CLCN1: variants seen among roughly 807,000 people sequenced by gnomAD.
CLCN1 encodes the protein chloride channel protein 1.
CLCN1 carries 100 observed loss-of-function variants against 114.5 expected under a neutral mutation model. The ratio of observed to expected loss-of-function variants is 0.87; its 90% CI spans 0.74 to 1.03. The LOEUF (loss-of-function observed/expected upper bound fraction) is 1.03, where lower values mean the gene tolerates loss of function less well. Among genes scored for constraint, CLCN1 ranks in the 50% least tolerant of loss-of-function variants. The pLI, the probability that CLCN1 is intolerant of heterozygous loss-of-function variation, is 0.00. For synonymous variants in CLCN1, 485 were observed against 487.1 expected, an observed-to-expected ratio of 1.00 and a Z score of 0.06; for missense variants, 1,188 against 1,250.0, an observed-to-expected ratio of 0.95 and a Z score of 0.75.
Position 143,350,248 on chromosome 7 carries a change from G to T in CLCN1, c.2404-124G>T. 1 of 745,508 alleles carries T rather than the reference G, an allele frequency of 1.3e-6. No homozygotes were observed. The highest frequency in any genetic ancestry group is 1.5e-5 in the South Asian group (1 of 67,346). The allele number at this position is 745,508 out of a possible 1,614,324, so 46.2% of individuals were successfully genotyped here. On this transcript the variant is annotated intron_variant, in intron 20 of 22. Coordinates refer to ENST00000343257, the MANE Select transcript of CLCN1 (RefSeq NM_000083.3). The surrounding 1 kb of genome is among the most constrained non-coding windows in gnomAD (Gnocchi z 5.1). The stretch of plus-strand genomic sequence containing the variant: ...AGGTCCTCTGATCTGGGGGATCTAT[G>T]ATCAGTTCTTGCATGTTCCCAGATT...
intron 22 of CLCN1, among the ~76,000 whole-genome samples, chr7:143,351,071 C>G (rs1318539840): frequency 1.3e-5 from 2 of 152,214 alleles, no homozygotes; most frequent in Non-Finnish European, 2.9e-5. Context: ...AGCCACCATG[C>G]CTGGCACCCC....
At chr7:143,319,663 T>C (rs1802373856) in intron 1 of CLCN1, 92 bp from the exon 2 acceptor site, 10 of 1,394,530 alleles carry the variant, frequency 7.2e-6, no homozygotes, top group Non-Finnish European at 8.1e-6. Flanking sequence ...AAAGCTGTTG[T>C]TCTTTTCTTC....
rs978262184 is a variant in CLCN1, at chr7:143,342,575, G to T, written c.1930+70G>T. The stretch of plus-strand genomic sequence containing the variant: ...TAAGGGTCACATAGAGGTAGAGGAG[G>T]CCCCATGGTGGGGGCTTTGTCTTTA... On this transcript the variant is annotated intron_variant, in intron 16 of 22. Transcript: ENST00000343257. The T allele has an allele frequency of 3.9e-6, 6 of 1,532,120 alleles. No homozygotes were observed. In the Admixed American group the frequency reaches 1.0e-4, roughly 26 times the overall value. The allele number at this position is 1,532,120 out of a possible 1,614,324, so 94.9% of individuals were successfully genotyped here.
chr7:143,322,503 C>T (rs1802468092), intron 5 of CLCN1, among the ~76,000 whole-genome samples: 1 of 152,222 alleles, frequency 6.6e-6, no homozygotes, highest in Non-Finnish European at 1.5e-5. Context: ...TTCCATGCCT[C>T]TTAAAACAAA....
intron 20 of CLCN1, among the ~76,000 whole-genome samples, chr7:143,347,666 T>C (rs1273868645): frequency 7.2e-6 from 1 of 139,180 alleles, no homozygotes; most frequent in Non-Finnish European, 1.6e-5. Context: ...AATCTGCTCC[T>C]GGTGGAGATT....
At position 143,330,102 on chromosome 7, in the gene CLCN1, T is replaced by A. The variant is rs978422631; in HGVS notation, c.854-670T>A. On this transcript the variant is annotated intron_variant, in intron 7 of 22. Transcript: ENST00000343257. ...TGATTGTTTTTCTCTTCTTCTAGCC[T>A]CTTGGTTTTTCCCCTTGCGTTGGTC... Among the ~76,000 whole-genome samples, 4 of 152,340 alleles carry A rather than the reference T, an allele frequency of 2.6e-5. No homozygotes were observed. The East Asian group carries it at 7.7e-4, about 29-fold the overall frequency.
rs923380712 is a variant in CLCN1 at position 143,321,848 on chromosome 7, G to T, written c.696G>T (p.Glu232Asp). 5.0e-6 allele frequency: 8 copies of T among 1,614,094 alleles called. No individual in the cohort carries two copies. Among genetic ancestry groups the T allele is most frequent in the Non-Finnish European group, 6.8e-6 (8 of 1,179,970 alleles). The change falls in exon 5 of 23, where the codon GAG (glutamate) becomes GAT (aspartate). Residue 232 changes from glutamate to aspartate, a missense_variant and splice_region_variant. Physicochemically the swap from Glu to Asp is conservative, Grantham distance 45. Transcript: ENST00000343257. This position sits in a 1 kb window ranked among gnomAD's most constrained non-coding sequence, Gnocchi z 4.2. ...GCAGTGGCATCCCCGTGGGGAAAGA[G>T]GTAGGCCTGGCATGACTGAAGCCAG... ...GLGSGIPVGK[E>D]GPFVHIASIC... is the part of the protein sequence containing the mutation.
Position 143,351,684 on chromosome 7 carries a change from A to G in CLCN1, c.2686A>G (p.Ser896Gly). The G allele has an allele frequency of 6.2e-7, 1 of 1,614,182 alleles. No individual in the cohort carries two copies. ...CCGGAACACGACTTCAACTCGAAAG[A>G]GTACCGGGGCACCTCCATCTTCTGC... The part of the protein sequence containing the change: ...SFRNTTSTRK[S>G]TGAPPSSAEN... Residue 896 changes from serine (S) to glycine (G), a missense_variant, in exon 23 of 23, where the codon AGT becomes GGT. Transcript: ENST00000343257.
intron 7 of CLCN1, among the ~76,000 whole-genome samples, chr7:143,328,202 C>T (rs1437607529): frequency 6.7e-6 from 1 of 149,606 alleles, no homozygotes; most frequent in African/African-American, 2.5e-5. Flanking sequence ...AGCTCAGGAA[C>T]ATGGCTTTGC....
intron 14 of CLCN1, among the ~76,000 whole-genome samples, chr7:143,340,876 T>C (rs1006534188): frequency 2.0e-5 from 3 of 152,200 alleles, no homozygotes; most frequent in African/African-American, 7.2e-5. Context: ...CCTCTACATT[T>C]TCCCCATAGG....
At chr7:143,343,186 A>G (rs1205983422) in intron 16 of CLCN1, among the ~76,000 whole-genome samples, 4 of 152,216 alleles carry the variant, frequency 2.6e-5, no homozygotes, top group African/African-American at 9.6e-5. Context: ...TGCCAACAGC[A>G]CTATAACCCT....
rs139117651 is a variant in CLCN1, at chr7:143,351,722, C to G, written c.2724C>G (p.Asn908Lys). 2.7e-5 allele frequency: 44 copies of G among 1,614,074 alleles called. No individual in the cohort carries two copies. Among genetic ancestry groups the G allele is most frequent in the Non-Finnish European group, 3.2e-5 (38 of 1,180,040 alleles). Residue 908 changes from asparagine to lysine, a missense_variant, in exon 23 of 23, where the codon AAC becomes AAG. Asn to Lys is a moderately conservative substitution (Grantham distance 94). Coordinates refer to ENST00000343257, the MANE Select transcript of CLCN1 (RefSeq NM_000083.3). ...CTCCATCTTCTGCAGAGAACTGGAA[C>G]CTGCCTGAGGACAGGCCTGGGGCCA... ...GAPPSSAENWNLPEDRPGATG... is the reference protein window; with the variant it reads ...GAPPSSAENWKLPEDRPGATG...
chr7:143,340,453 A>G (rs1803047131), intron 14 of CLCN1, among the ~76,000 whole-genome samples: 2 of 151,866 alleles, frequency 1.3e-5, no homozygotes, highest in African/African-American at 4.8e-5. Context: ...ATTCCTCCCT[A>G]TATTTCCCTT....
intron 20 of CLCN1, 69 bp downstream of exon 20, chr7:143,347,018 A>C: frequency 7.6e-7 from 1 of 1,319,642 alleles, no homozygotes; most frequent in Non-Finnish European, 1.1e-6. Context: ...ATTTGTTTCT[A>C]CCTTCTTTAT....
chr7:143,319,727 A>G, intron 1 of CLCN1, 28 bp from the exon 2 acceptor site: 1 of 1,612,790 alleles, frequency 6.2e-7, no homozygotes, highest in Non-Finnish European at 8.5e-7. Context: ...TCCACAAGGC[A>G]GACACTGATC....
intron 20 of CLCN1, among the ~76,000 whole-genome samples, chr7:143,349,386 A>G (rs1057334198): frequency 6.6e-6 from 1 of 152,238 alleles, no homozygotes; most frequent in African/African-American, 2.4e-5. Context: ...AAACCTATAT[A>G]ATGCCCTTTG....
In CLCN1 at chr7:143,321,600, A is replaced by G; in HGVS notation, c.562+107A>G. 1 of 1,603,416 alleles carries G rather than the reference A, an allele frequency of 6.2e-7. No individual in the cohort carries two copies. On this transcript the variant is annotated intron_variant, in intron 4 of 22. Coordinates refer to ENST00000343257, the MANE Select transcript of CLCN1 (RefSeq NM_000083.3). The surrounding 1 kb of genome is among the most constrained non-coding windows in gnomAD (Gnocchi z 4.2). The stretch of plus-strand genomic sequence containing the variant: ...CCACAGCCCTGTGCTGCCTTGCCCC[A>G]TCCTCCCCACCACTGCCTCTTCAGC...
chr7:143,318,525 C>T (rs1270930487), intron 1 of CLCN1, among the ~76,000 whole-genome samples: 7 of 152,104 alleles, frequency 4.6e-5, no homozygotes, highest in Non-Finnish European at 1.0e-4. Flanking sequence ...GCCTTGCTTC[C>T]ACCTTGGAAT....
In CLCN1 at chr7:143,324,310, T is replaced by C. The variant is rs920020689; in HGVS notation, c.775-104T>C. ...GGGACCACAAGGACTCCTTTTGACT[T>C]AGGCCTCTCATTCTGCCTTATTCCC... is the stretch of plus-strand genomic sequence containing the variant. On this transcript the variant is annotated intron_variant, in intron 6 of 22. Coordinates refer to ENST00000343257, the MANE Select transcript of CLCN1 (RefSeq NM_000083.3). The surrounding 1 kb of genome is among the most constrained non-coding windows in gnomAD (Gnocchi z 4.6). The C allele has an allele frequency of 1.4e-4, 118 of 835,640 alleles. 1 individual carries two copies. Among genetic ancestry groups the C allele is most frequent in the South Asian group, 1.3e-3 (96 of 73,866 alleles). 51.8% of individuals were successfully genotyped at this position (835,640 alleles called of 1,614,324 possible).
Sources: allele counts gnomAD v4.1 joint callset (sites outside exome capture counted in the v4.1 genomes callset), GRCh38; gene constraint gnomAD v4.1.1; non-coding constraint Gnocchi (gnomAD v3.1); transcripts MANE v1.5; gene names NCBI Gene and HGNC (gene_info 2026-07-23, HGNC 2026-07-21).